FLVCR2: variants seen among roughly 807,000 people sequenced by gnomAD.
FLVCR2 encodes FLVCR choline and putative heme transporter 2.
Under a neutral mutation model 48.9 loss-of-function variants are expected in FLVCR2, and 38 were observed. That is an observed-to-expected ratio of 0.78 (90% CI 0.60 to 1.02). FLVCR2 has a LOEUF of 1.02. FLVCR2 is among the 50% of genes least tolerant of loss of function. FLVCR2 has a pLI of 0.00. For missense variants in FLVCR2, 664 were observed against 663.3 expected, an observed-to-expected ratio of 1.00 and a Z score of -0.01; for synonymous variants, 255 against 257.0, an observed-to-expected ratio of 0.99 and a Z score of 0.07.
intron 1 of FLVCR2, among the ~76,000 whole-genome samples, chr14:75,586,250 C>G (rs561675376): frequency 6.6e-6 from 1 of 151,478 alleles, no homozygotes; most frequent in South Asian, 2.1e-4. Context: ...GTTTTGCAGA[C>G]AGTGGGTGGA....
intron 1 of FLVCR2, among the ~76,000 whole-genome samples, chr14:75,590,666 A>G (rs1888858175): frequency 6.6e-6 from 1 of 152,080 alleles, no homozygotes; most frequent in South Asian, 2.1e-4. Context: ...TGGTTGTTTA[A>G]AGAGTACAGG....
chr14:75,580,599 G>A (rs973306804), intron 1 of FLVCR2, among the ~76,000 whole-genome samples: 1 of 152,240 alleles, frequency 6.6e-6, no homozygotes, highest in African/African-American at 2.4e-5. Flanking sequence ...TGAAAAAGGA[G>A]TCAGCAAAGG....
At chr14:75,646,377 C>T (rs1890421908) in intron 9 of FLVCR2, 24 bp from the exon 10 acceptor site, 2 of 1,591,512 alleles carry the variant, frequency 1.3e-6, no homozygotes, top group South Asian at 1.1e-5. Flanking sequence ...ACCCACAGCA[C>T]TGCCTGTTTG....
intron 1 of FLVCR2, 124 bp from the exon 2 acceptor site, chr14:75,621,955 C>T (rs994466511): frequency 1.2e-5 from 12 of 1,025,124 alleles, no homozygotes; most frequent in Non-Finnish European, 1.7e-5. Context: ...GAAATAATCC[C>T]TGCATGGGTG....
intron 3 of FLVCR2, among the ~76,000 whole-genome samples, chr14:75,630,671 CA>C (rs1890019965): frequency 6.6e-6 from 1 of 152,114 alleles, no homozygotes; most frequent in African/African-American, 2.4e-5. Context: ...GCCTGGTAAA[CA>C]TAGCGAGACC....
At chr14:75,610,542 C>T (rs1229346294) in intron 1 of FLVCR2, among the ~76,000 whole-genome samples, 1 of 152,074 alleles carries the variant, frequency 6.6e-6, no homozygotes, top group African/African-American at 2.4e-5. Flanking sequence ...CCTAGTGTAT[C>T]TCTGCTCTTC....
intron 9 of FLVCR2, among the ~76,000 whole-genome samples, chr14:75,643,495 T>A (rs1890350587): frequency 6.6e-6 from 1 of 152,238 alleles, no homozygotes; most frequent in African/African-American, 2.4e-5. Flanking sequence ...TTCGCCAATT[T>A]TCTAAGGCAA....
intron 1 of FLVCR2, among the ~76,000 whole-genome samples, chr14:75,599,295 A>G (rs1235752097): frequency 1.3e-5 from 2 of 151,882 alleles, no homozygotes; most frequent in African/African-American, 4.8e-5. Flanking sequence ...CTTTAACTCA[A>G]CTTCATTTTT....
chr14:75,641,315 A>G, intron 8 of FLVCR2, 22 bp downstream of exon 8: 6 of 1,563,680 alleles, frequency 3.8e-6, no homozygotes, highest in Non-Finnish European at 5.3e-6. Flanking sequence ...CCTGAGGGCA[A>G]GATGAGGCTC....
chr14:75,579,168 C>T lies in FLVCR2; in HGVS notation c.196C>T (p.His66Tyr), dbSNP rs1293523194. Reference sequence around the variant, plus strand: ...CTTAGCCCAACCCAGTGGCTTGGCTCACCCCAGTAGCTCGGGCCCTGAGGA... The same window carrying T: ...CTTAGCCCAACCCAGTGGCTTGGCTTACCCCAGTAGCTCGGGCCCTGAGGA... ...SALAQPSGLA[H>Y]PSSSGPEDLS... Residue 66 changes from histidine (H) to tyrosine (Y), a missense_variant, in exon 1 of 10, where the codon CAC (histidine) becomes TAC (tyrosine). By Grantham distance (83) the His-to-Tyr change is moderately conservative. Transcript: ENST00000238667. The T allele has an allele frequency of 1.2e-6, 2 of 1,614,104 alleles. No individual in the cohort carries two copies. Among genetic ancestry groups the T allele is most frequent in the South Asian group, 1.1e-5 (1 of 91,078 alleles).
Position 75,579,119 on chromosome 14 carries a change from C to G in FLVCR2, c.147C>G (p.Pro49=). Residue 49 remains proline (P), a synonymous_variant, in exon 1 of 10, where the codon CCC becomes CCG. Coordinates refer to ENST00000238667, the MANE Select transcript of FLVCR2 (RefSeq NM_017791.3). ...TCAACCCCAGCGTCTCTGTCCACCC[C>G]AGCAGTTCGGCCCACCCCAGTGCCT... The part of the protein sequence containing the change: ...VSINPSVSVH[P]SSSAHPSALA... 1 of 1,614,134 alleles carries G rather than the reference C, an allele frequency of 6.2e-7. No individual in the cohort carries two copies.
intron 3 of FLVCR2, among the ~76,000 whole-genome samples, chr14:75,629,945 G>A (rs965915346): frequency 6.6e-6 from 1 of 152,182 alleles, no homozygotes; most frequent in African/African-American, 2.4e-5. Flanking sequence ...TAGGGAGGGG[G>A]CTTCATGCCC....
At chr14:75,644,158 T>C (rs1453693909) in intron 9 of FLVCR2, among the ~76,000 whole-genome samples, 2 of 151,576 alleles carry the variant, frequency 1.3e-5, no homozygotes, top group African/African-American at 4.9e-5. Context: ...TAAGATTTGC[T>C]GTGTTGACTT....
At chr14:75,626,859 C>G (rs1005175240) in intron 3 of FLVCR2, among the ~76,000 whole-genome samples, 1 of 151,908 alleles carries the variant, frequency 6.6e-6, no homozygotes, top group Non-Finnish European at 1.5e-5. Context: ...CTTGCTGCAT[C>G]TAACAAGAGG....
At chr14:75,584,590 C>A (rs1253200590) in intron 1 of FLVCR2, among the ~76,000 whole-genome samples, 1 of 152,184 alleles carries the variant, frequency 6.6e-6, no homozygotes, top group Non-Finnish European at 1.5e-5. Flanking sequence ...AGGCAGGAAA[C>A]CATGTAATCT....
At chr14:75,613,904 A>G (rs753226929) in intron 1 of FLVCR2, among the ~76,000 whole-genome samples, 1 of 152,206 alleles carries the variant, frequency 6.6e-6, no homozygotes, top group Non-Finnish European at 1.5e-5. Flanking sequence ...CCCTTTACAT[A>G]GTAACACTTT....
chr14:75,596,232 A>C (rs1344824207), intron 1 of FLVCR2: 1 of 629,678 alleles, frequency 1.6e-6, no homozygotes, highest in Non-Finnish European at 2.9e-6. Context: ...TCAGACAGCC[A>C]GGGAGGAAAA....
rs879779256 is a variant in FLVCR2 at position 75,629,730 on chromosome 14, G to T, written c.953-3899G>T. Among the ~76,000 whole-genome samples, 5 of 152,208 alleles carry T rather than the reference G, an allele frequency of 3.3e-5. 1 individual carries two copies. The highest frequency in any genetic ancestry group is 4.1e-4 in the South Asian group (2 of 4,832). On this transcript the variant is annotated intron_variant, in intron 3 of 9. Coordinates refer to ENST00000238667, the MANE Select transcript of FLVCR2 (RefSeq NM_017791.3). ...CCTGTTGAAAAGAATTGTTGAAAAG[G>T]CTTCTCTTCTAGAAAATGGCATACT...
chr14:75,615,811 A>G (rs1889594437), intron 1 of FLVCR2, among the ~76,000 whole-genome samples: 1 of 150,768 alleles, frequency 6.6e-6, no homozygotes, highest in African/African-American at 2.4e-5. Flanking sequence ...CAAGGTCAGG[A>G]GATTGAGACC....
Sources: gnomAD v4.1 joint callset for allele counts (sites outside exome capture counted in the v4.1 genomes callset) on GRCh38, gnomAD v4.1.1 for gene constraint, MANE v1.5 for transcripts, NCBI Gene and HGNC (gene_info 2026-07-23, HGNC 2026-07-21) for gene names.